DNAH9: variants seen among roughly 807,000 people sequenced by gnomAD.
The protein encoded by DNAH9 is dynein axonemal heavy chain 9, also known as DNAH9 variant protein.
A neutral mutation model predicts 471.6 loss-of-function variants in DNAH9; 345 were observed. That is an observed-to-expected ratio of 0.73 (90% CI 0.67 to 0.80). The LOEUF (loss-of-function observed/expected upper bound fraction) is 0.80, where lower values mean the gene tolerates loss of function less well. DNAH9 is among the 30% of genes least tolerant of loss of function. The pLI is 0.00. For missense variants in DNAH9, 5,407 were observed against 5,609.2 expected (o/e 0.96, Z 1.15); for synonymous variants, 2,093 against 2,123.6 (o/e 0.99, Z 0.40).
At chr17:11,668,904 A>G (rs928326801) in intron 15 of DNAH9, among the ~76,000 whole-genome samples, 160 bp from the exon 16 acceptor site, 5 of 152,128 alleles carry the variant, frequency 3.3e-5, no homozygotes, top group Non-Finnish European at 7.3e-5. Context: ...TATCACCCTC[A>G]CATTGTATGG....
At chr17:11,905,834 C>G in intron 61 of DNAH9, 25 bp downstream of exon 61, 1 of 1,588,424 alleles carries the variant, frequency 6.3e-7, no homozygotes, top group South Asian at 1.1e-5. Context: ...CTCTTGGAGC[C>G]AGGGCTGCAT....
chr17:11,716,221 T>C (rs1311398481), intron 26 of DNAH9, among the ~76,000 whole-genome samples: 2 of 151,766 alleles, frequency 1.3e-5, no homozygotes, highest in Non-Finnish European at 2.9e-5. Context: ...GTACCTGGGA[T>C]TACAGGTGCG....
chr17:11,841,016 T>A (rs1387346965), intron 49 of DNAH9, among the ~76,000 whole-genome samples: 1 of 152,220 alleles, frequency 6.6e-6, no homozygotes, highest in East Asian at 1.9e-4. Flanking sequence ...TGCTCTTTTT[T>A]AAAAATACAT....
intron 68 of DNAH9, among the ~76,000 whole-genome samples, chr17:11,965,856 A>G (rs1301005812): frequency 6.6e-6 from 1 of 152,198 alleles, no homozygotes; most frequent in Non-Finnish European, 1.5e-5. Flanking sequence ...GAGGAATTCA[A>G]TAGCAGAATT....
At chr17:11,927,000 A>T (rs764938884) in intron 62 of DNAH9, among the ~76,000 whole-genome samples, 1 of 152,182 alleles carries the variant, frequency 6.6e-6, no homozygotes, top group Admixed American at 6.5e-5. Flanking sequence ...GCATTTCTCT[A>T]ATGATCAACG....
At chr17:11,600,523 AT>A (rs1456626706) in intron 1 of DNAH9, among the ~76,000 whole-genome samples, 2 of 152,186 alleles carry the variant, frequency 1.3e-5, no homozygotes, top group Non-Finnish European at 2.9e-5. Context: ...ATGTTTAAGA[AT>A]TTTCATTGGT....
Position 11,822,566 on chromosome 17 carries a change from C to T in DNAH9, c.8979C>T (p.Ser2993=). 1 of 1,614,156 alleles carries T rather than the reference C, an allele frequency of 6.2e-7. No individual in the cohort carries two copies. The highest frequency in any genetic ancestry group is 1.6e-4 in the Middle Eastern group (1 of 6,062). The part of the protein sequence containing the change: ...EWPQQALESV[S]LRFLQNTEGI... ...CTCAGCAAGCATTGGAGTCTGTCAG[C>T]CTCCGCTTCTTGCAGAACACAGAGG... Residue 2993 remains serine, a synonymous_variant, in exon 47 of 69, where the codon AGC becomes AGT. Transcript: ENST00000262442.
chr17:11,804,208 T>G (rs1044995508), intron 43 of DNAH9, among the ~76,000 whole-genome samples: 2 of 152,188 alleles, frequency 1.3e-5, no homozygotes, highest in Non-Finnish European at 2.9e-5. Context: ...AATTAAATAA[T>G]TAAAGTGGAA....
chr17:11,672,563 A>ACTCTGCC (rs2073988627), intron 17 of DNAH9, among the ~76,000 whole-genome samples: 1 of 151,982 alleles, frequency 6.6e-6, no homozygotes, highest in Non-Finnish European at 1.5e-5. Context: ...TACCAACTGC[A>ACTCTGCC]CTCTGCCTTG....
At chr17:11,780,223 C>CT (rs1255565658) in intron 38 of DNAH9, among the ~76,000 whole-genome samples, 3 of 152,234 alleles carry the variant, frequency 2.0e-5, no homozygotes, top group South Asian at 4.1e-4. Context: ...CACCAAGGTG[C>CT]TCAGATAGAG....
intron 36 of DNAH9, among the ~76,000 whole-genome samples, chr17:11,765,552 G>A (rs188518529): frequency 1.1e-4 from 16 of 152,282 alleles, no homozygotes; most frequent in Non-Finnish European, 2.1e-4. Flanking sequence ...AGCAGCTCTC[G>A]CAGGCTCTCA....
intron 27 of DNAH9, among the ~76,000 whole-genome samples, chr17:11,723,731 G>C (rs187251930): frequency 6.6e-6 from 1 of 151,602 alleles, no homozygotes; most frequent in Non-Finnish European, 1.5e-5. Context: ...GCAGTGGCAC[G>C]ATCTCAGCTC....
rs188177558 is a variant in DNAH9 at position 11,929,021 on chromosome 17, A to T, written c.11878-845A>T. On this transcript the variant is annotated intron_variant, in intron 62 of 68. Transcript: ENST00000262442. ...GACTTGGAAGATGACCAAGTGTTAC[A>T]GCCTTTTTTTTTTTTTTTTTTTTTT... Among the ~76,000 whole-genome samples, 28 of 141,124 alleles carry T rather than the reference A, an allele frequency of 2.0e-4. No homozygotes were observed. The East Asian group carries it at 3.9e-3, about 19-fold the overall frequency. 92.6% of individuals were successfully genotyped at this position (141,124 alleles called of 152,430 possible). A position where few individuals can be genotyped will look rare whatever the true frequency, so the allele number is the denominator to read the frequency against.
Position 11,835,277 on chromosome 17 carries a change from C to T in DNAH9, c.9507+379C>T, listed in dbSNP as rs118057184. Among the ~76,000 whole-genome samples, 14 of 152,328 alleles carry T rather than the reference C, an allele frequency of 9.2e-5. 1 individual carries two copies. In the East Asian group the frequency reaches 2.5e-3, roughly 27 times the overall value. On this transcript the variant is annotated intron_variant, in intron 49 of 68. Coordinates refer to ENST00000262442, the MANE Select transcript of DNAH9 (RefSeq NM_001372.4). ...AAATCTAATCCCAGGGATCTTCCTG[C>T]TCCAGTAACCCAGGACCATTTTGCC... is the stretch of plus-strand genomic sequence containing the variant.
At chr17:11,627,733 C>G (rs757560560) in intron 6 of DNAH9, among the ~76,000 whole-genome samples, 1 of 152,194 alleles carries the variant, frequency 6.6e-6, no homozygotes, top group Non-Finnish European at 1.5e-5. Flanking sequence ...TCTCTCCCCT[C>G]CCACTTCAGC....
intron 32 of DNAH9, among the ~76,000 whole-genome samples, chr17:11,748,557 C>T (rs190347023): frequency 1.7e-4 from 26 of 152,264 alleles, no homozygotes; most frequent in Non-Finnish European, 2.8e-4. Flanking sequence ...CTGCATGCTA[C>T]AGAACCTTGT....
At chr17:11,768,776 G>T in intron 37 of DNAH9, 150 bp downstream of exon 37, 1 of 976,002 alleles carries the variant, frequency 1.0e-6, no homozygotes, top group Non-Finnish European at 1.5e-6. Flanking sequence ...AGGAGATGAT[G>T]GGTGTAATGA....
intron 62 of DNAH9, among the ~76,000 whole-genome samples, chr17:11,924,727 G>A (rs986266319): frequency 1.4e-5 from 2 of 147,640 alleles, no homozygotes; most frequent in African/African-American, 5.0e-5. Context: ...GGGTTCAAGC[G>A]ATTCTCCTGC....
intron 38 of DNAH9, among the ~76,000 whole-genome samples, chr17:11,775,095 C>T (rs1486911300): frequency 1.3e-5 from 2 of 152,228 alleles, no homozygotes; most frequent in African/African-American, 2.4e-5. Context: ...TTTGCATTTT[C>T]TAGAAATTTA....
Sources: gnomAD v4.1 joint callset for allele counts (sites outside exome capture counted in the v4.1 genomes callset) on GRCh38, gnomAD v4.1.1 for gene constraint, MANE v1.5 for transcripts, NCBI Gene and HGNC (gene_info 2026-07-23, HGNC 2026-07-21) for gene names.